The following ANO6 variants were observed in gnomAD, a reference collection of about 807,000 sequenced individuals.
ANO6 encodes anoctamin 6.
Under a neutral mutation model 117.5 loss-of-function variants are expected in ANO6, and 106 were observed. The ratio of observed to expected loss-of-function variants is 0.90; its 90% CI spans 0.77 to 1.06. ANO6 has a LOEUF of 1.06. ANO6 is among the 50% of genes least tolerant of loss of function. The pLI is 0.00. For synonymous variants in ANO6, 367 were observed against 385.1 expected, an observed-to-expected ratio of 0.95 and a Z score of 0.55; for missense variants, 955 against 1,121.1, an observed-to-expected ratio of 0.85 and a Z score of 2.12.
intron 2 of ANO6, among the ~76,000 whole-genome samples, chr12:45,314,846 A>G (rs1322460234): frequency 6.6e-6 from 1 of 152,072 alleles, no homozygotes; most frequent in African/African-American, 2.4e-5. Flanking sequence ...CTGCATAATA[A>G]ATGAGTACCA....
rs12308034 is a variant in ANO6, at chr12:45,416,715, C to T, written c.2028C>T (p.Phe676=). The stretch of plus-strand genomic sequence containing the variant: ...CATTGACAGTTATTCAGTTTGGGTT[C>T]GTCACCTTATTTGTGGCCTCTTTTC... ...EYLEMIIQFG[F]VTLFVASFPL... is the part of the protein sequence containing the mutation. Residue 676 remains phenylalanine (F), a synonymous_variant, in exon 17 of 20, where the codon TTC becomes TTT. Coordinates refer to ENST00000320560, the MANE Select transcript of ANO6 (RefSeq NM_001025356.3). 328 of 1,614,038 alleles carry T rather than the reference C, an allele frequency of 2.0e-4. No homozygotes were observed. The African/African-American group carries it at 3.1e-3, about 15-fold the overall frequency.
At chr12:45,405,612 T>G (rs1270563177) in intron 15 of ANO6, among the ~76,000 whole-genome samples, 1 of 152,182 alleles carries the variant, frequency 6.6e-6, no homozygotes, top group African/African-American at 2.4e-5. Flanking sequence ...AAGTCCTAAT[T>G]TATCAAAGAT....
chr12:45,324,428 A>C (rs192865246), intron 2 of ANO6, among the ~76,000 whole-genome samples: 101 of 152,316 alleles, frequency 6.6e-4, no homozygotes, highest in African/African-American at 2.1e-3. Flanking sequence ...GCTGGGCACT[A>C]GGTACTCTGA....
chr12:45,289,242 C>T (rs754789517), intron 1 of ANO6, among the ~76,000 whole-genome samples: 3 of 149,796 alleles, frequency 2.0e-5, no homozygotes, highest in Non-Finnish European at 4.4e-5. Flanking sequence ...TCTCAGCTCA[C>T]TGCAACCTCC....
chr12:45,265,096 A>T (rs1206255502), intron 1 of ANO6, among the ~76,000 whole-genome samples: 2 of 152,180 alleles, frequency 1.3e-5, no homozygotes, highest in East Asian at 3.8e-4. Context: ...TGGCATTTTC[A>T]TTATGAAAAT....
At chr12:45,385,254 G>A (rs1942266725) in intron 10 of ANO6, among the ~76,000 whole-genome samples, 1 of 149,706 alleles carries the variant, frequency 6.7e-6, no homozygotes, top group African/African-American at 2.5e-5. Flanking sequence ...ATTTTGAAGG[G>A]CAGAAGAAGG....
At chr12:45,275,168 G>A (rs1052420543) in intron 1 of ANO6, among the ~76,000 whole-genome samples, 13 of 151,798 alleles carry the variant, frequency 8.6e-5, no homozygotes, top group Non-Finnish European at 1.5e-4. Flanking sequence ...CCTTAGATCC[G>A]TCTCCATCTC....
intron 1 of ANO6, among the ~76,000 whole-genome samples, chr12:45,296,305 A>T (rs1216429032): frequency 6.6e-6 from 1 of 152,068 alleles, no homozygotes; most frequent in African/African-American, 2.4e-5. Flanking sequence ...TTCCTTTGAC[A>T]TTTCTTTAGT....
At chr12:45,237,300 G>T (rs992937228) in intron 1 of ANO6, among the ~76,000 whole-genome samples, 8 of 152,138 alleles carry the variant, frequency 5.3e-5, no homozygotes, top group African/African-American at 1.9e-4. Context: ...AGTCCTTGCT[G>T]ATGCCTATGT....
chr12:45,239,954 A>G (rs1947712091), intron 1 of ANO6, among the ~76,000 whole-genome samples: 1 of 152,170 alleles, frequency 6.6e-6, no homozygotes, highest in Admixed American at 6.5e-5. Context: ...TATGTGGTCA[A>G]TTTTAGTATA....
intron 1 of ANO6, among the ~76,000 whole-genome samples, chr12:45,294,743 C>T (rs1052307350): frequency 1.1e-4 from 16 of 152,184 alleles, no homozygotes; most frequent in Middle Eastern, 3.4e-3. Context: ...TTGCCCAGAA[C>T]GTTGTAGTTA....
At chr12:45,298,676 C>T (rs4768600) in intron 1 of ANO6, among the ~76,000 whole-genome samples, 135,700 of 152,198 alleles carry the variant, frequency 0.89, 61,845 homozygotes, top group Non-Finnish European at 0.99. Context: ...TGACATTAAC[C>T]AGTGAATCTA....
Position 45,422,889 on chromosome 12 carries a change from T to G in ANO6, c.2421-68T>G, listed in dbSNP as rs1943402169. 5 of 1,217,310 alleles carry G rather than the reference T, an allele frequency of 4.1e-6. No homozygotes were observed. The African/African-American group carries it at 7.5e-5, about 18-fold the overall frequency. 75.4% of individuals were successfully genotyped at this position (1,217,310 alleles called of 1,614,324 possible). ...GCACCCGGCATGACCTCTTTTTAAA[T>G]GGGGCCTTTGTTTACAGTATTCAGT... is the stretch of plus-strand genomic sequence containing the variant. On this transcript the variant is annotated intron_variant, in intron 18 of 19. Transcript: ENST00000320560.
At chr12:45,348,450 A>G (rs1941200610) in intron 5 of ANO6, 68 bp from the exon 6 acceptor site, 1 of 1,539,922 alleles carries the variant, frequency 6.5e-7, no homozygotes, top group African/African-American at 1.4e-5. Context: ...GTGTTACAGT[A>G]GTAAACAATG....
intron 1 of ANO6, among the ~76,000 whole-genome samples, chr12:45,225,166 C>CA (rs1461640484): frequency 7.7e-6 from 1 of 129,178 alleles, no homozygotes; most frequent in African/African-American, 3.1e-5. Flanking sequence ...CCAGCCTGGG[C>CA]AACAGAGACC....
chr12:45,279,157 A>C (rs1938644054), intron 1 of ANO6, among the ~76,000 whole-genome samples: 1 of 152,174 alleles, frequency 6.6e-6, no homozygotes, highest in Non-Finnish European at 1.5e-5. Context: ...CTTGTCTTTA[A>C]GCCTTGAGGA....
intron 9 of ANO6, among the ~76,000 whole-genome samples, chr12:45,374,954 C>A (rs1210507011): frequency 6.6e-6 from 1 of 151,394 alleles, no homozygotes; most frequent in Non-Finnish European, 1.5e-5. Flanking sequence ...TCTAGAAAAC[C>A]CCATTGTCTC....
rs536120583 is a variant in ANO6, at chr12:45,333,439, G to T, written c.279+2016G>T. 4.6e-5 allele frequency among the ~76,000 whole-genome samples: 7 copies of T among 152,106 alleles called. No individual in the cohort carries two copies. The South Asian group carries it at 1.5e-3, about 32-fold the overall frequency. On this transcript the variant is annotated intron_variant, in intron 3 of 19. Coordinates refer to ENST00000320560, the MANE Select transcript of ANO6 (RefSeq NM_001025356.3). Reference sequence around the variant, plus strand: ...AGCAATATATAAAGTAAGTTAAACAGATCTAATACATTAAAGTATAAAAGA... The same window carrying T: ...AGCAATATATAAAGTAAGTTAAACATATCTAATACATTAAAGTATAAAAGA...
chr12:45,291,417 T>C (rs1259961785), intron 1 of ANO6, among the ~76,000 whole-genome samples: 1 of 142,396 alleles, frequency 7.0e-6, no homozygotes, highest in Admixed American at 7.0e-5. Context: ...GATTCTTAGA[T>C]ATAACATCAA....
Sources: gnomAD v4.1 joint callset for allele counts (sites outside exome capture counted in the v4.1 genomes callset) on GRCh38, gnomAD v4.1.1 for gene constraint, MANE v1.5 for transcripts, NCBI Gene and HGNC (gene_info 2026-07-23, HGNC 2026-07-21) for gene names.